NETO1: variants seen among roughly 807,000 people sequenced by gnomAD.
NETO1 encodes the protein neuropilin and tolloid like 1.
A neutral mutation model predicts 61.3 loss-of-function variants in NETO1; 26 were observed. The ratio of observed to expected loss-of-function variants is 0.42; its 90% CI spans 0.31 to 0.59. The LOEUF (loss-of-function observed/expected upper bound fraction) is 0.59, where lower values mean the gene tolerates loss of function less well. NETO1 is among the 20% of genes least tolerant of loss of function. The pLI, the probability that NETO1 is intolerant of heterozygous loss-of-function variation, is 0.12. For synonymous variants in NETO1, 225 were observed against 225.8 expected, an observed-to-expected ratio of 1.00 and a Z score of 0.03; for missense variants, 531 against 662.8, an observed-to-expected ratio of 0.80 and a Z score of 2.18.
intron 4 of NETO1, among the ~76,000 whole-genome samples, chr18:72,856,061 T>C (rs1383688998): frequency 6.6e-6 from 1 of 152,202 alleles, no homozygotes; most frequent in Non-Finnish European, 1.5e-5. Flanking sequence ...ATATTGTGTA[T>C]ATATGTATAT....
intron 4 of NETO1, among the ~76,000 whole-genome samples, chr18:72,794,949 A>G (rs1426733451): frequency 6.6e-6 from 1 of 152,222 alleles, no homozygotes; most frequent in East Asian, 1.9e-4. Flanking sequence ...CGGACTGAAC[A>G]ATCCTGTTTT....
chr18:72,865,756 C>G, intron 1 of NETO1: 1 of 1,408,042 alleles, frequency 7.1e-7, no homozygotes, highest in Admixed American at 2.3e-5. Flanking sequence ...GGAGAATAAG[C>G]AAGAAACAGA....
Position 72,830,886 on chromosome 18 carries a change from A to G in NETO1, c.469+27940T>C, listed in dbSNP as rs972553331. On this transcript the variant is annotated intron_variant, in intron 4 of 10. Coordinates refer to ENST00000327305, the MANE Select transcript of NETO1 (RefSeq NM_138966.5). This position sits in a 1 kb window ranked among gnomAD's most constrained non-coding sequence, Gnocchi z 4.9. ...TTATCCCCTATTTTCTTCTCTGAAC[A>G]TTGAGTTTTCATTTACCACTGCAGG... Among the ~76,000 whole-genome samples, 1 of 152,114 alleles carries G rather than the reference A, an allele frequency of 6.6e-6. No homozygotes were observed. The highest frequency in any genetic ancestry group is 2.4e-5 in the African/African-American group (1 of 41,400).
chr18:72,779,161 C>T (rs1049784731), intron 7 of NETO1, among the ~76,000 whole-genome samples: 5 of 151,990 alleles, frequency 3.3e-5, no homozygotes, highest in African/African-American at 1.2e-4. Flanking sequence ...TTTATATCTC[C>T]AACTTTTACT....
At chr18:72,759,328 A>C (rs768796607) in intron 7 of NETO1, among the ~76,000 whole-genome samples, 8 of 152,210 alleles carry the variant, frequency 5.3e-5, no homozygotes, top group Non-Finnish European at 1.2e-4. Flanking sequence ...GCTGTTCCTT[A>C]AGTCCTATTT....
intron 8 of NETO1, among the ~76,000 whole-genome samples, chr18:72,754,412 A>G (rs1459078784): frequency 6.6e-6 from 1 of 152,120 alleles, no homozygotes; most frequent in African/African-American, 2.4e-5. Context: ...AAAAAATAAG[A>G]TACAAATATA....
chr18:72,779,934 G>A (rs1315924635), intron 7 of NETO1, among the ~76,000 whole-genome samples: 1 of 152,106 alleles, frequency 6.6e-6, no homozygotes, highest in South Asian at 2.1e-4. Context: ...CGGATGAAAC[G>A]TTCTAGCTGT....
intron 4 of NETO1, among the ~76,000 whole-genome samples, chr18:72,825,835 T>C (rs1481985401): frequency 2.6e-5 from 4 of 152,314 alleles, no homozygotes; most frequent in Admixed American, 1.3e-4. Context: ...TTAGAATTTT[T>C]AAAAATCTTT....
chr18:72,826,895 T>C (rs535607435), intron 4 of NETO1, among the ~76,000 whole-genome samples: 1 of 152,244 alleles, frequency 6.6e-6, no homozygotes, highest in East Asian at 1.9e-4. Flanking sequence ...CACACTGAGC[T>C]GAAGCACTGA....
At chr18:72,750,005 T>A in intron 9 of NETO1, 57 bp downstream of exon 9, 2 of 1,246,666 alleles carry the variant, frequency 1.6e-6, no homozygotes. Context: ...GACAATACTC[T>A]GGAAGTATTT....
intron 3 of NETO1, among the ~76,000 whole-genome samples, chr18:72,861,797 G>T (rs76647624): frequency 6.6e-6 from 1 of 152,184 alleles, no homozygotes; most frequent in East Asian, 1.9e-4. Flanking sequence ...ATTCATTTTA[G>T]AATTAAATAT....
intron 6 of NETO1, among the ~76,000 whole-genome samples, chr18:72,793,545 A>G (rs2072207594): frequency 6.6e-6 from 1 of 152,160 alleles, no homozygotes; most frequent in African/African-American, 2.4e-5. Context: ...ATGAGAAATA[A>G]TGGAGGGTTT....
chr18:72,814,897 A>G (rs549469428), intron 4 of NETO1, among the ~76,000 whole-genome samples: 2 of 152,136 alleles, frequency 1.3e-5, no homozygotes, highest in South Asian at 2.1e-4. Flanking sequence ...AAGAGAAATA[A>G]AAATCTACCA....
intron 4 of NETO1, among the ~76,000 whole-genome samples, chr18:72,841,754 A>AAAAAAAAAAAAAAC (rs1568249493): frequency 1.3e-5 from 2 of 150,434 alleles, no homozygotes; most frequent in Non-Finnish European, 1.5e-5. Context: ...AAAAAAAAAA[A>AAAAAAAAAAAAAAC]AAAGTCACTT....
chr18:72,748,685 G>T (rs182431393), intron 10 of NETO1, among the ~76,000 whole-genome samples: 12 of 151,770 alleles, frequency 7.9e-5, no homozygotes, highest in Admixed American at 7.2e-4. Context: ...AAAAACCTTG[G>T]TTTTTTTCGA....
At chr18:72,805,463 G>T (rs1299653488) in intron 4 of NETO1, among the ~76,000 whole-genome samples, 2 of 152,066 alleles carry the variant, frequency 1.3e-5, no homozygotes, top group Non-Finnish European at 2.9e-5. Flanking sequence ...TAATACCATT[G>T]CAATAATTAA....
At chr18:72,851,697 T>C (rs1222232527) in intron 4 of NETO1, among the ~76,000 whole-genome samples, 1 of 152,136 alleles carries the variant, frequency 6.6e-6, no homozygotes, top group African/African-American at 2.4e-5. Flanking sequence ...TGGAAAAACA[T>C]TTCAAACAAC....
At chr18:72,786,575 T>C (rs2071925191) in intron 6 of NETO1, among the ~76,000 whole-genome samples, 1 of 152,168 alleles carries the variant, frequency 6.6e-6, no homozygotes, top group Non-Finnish European at 1.5e-5. Flanking sequence ...ATGAGAGACA[T>C]ATGCCCCAAC....
intron 4 of NETO1, among the ~76,000 whole-genome samples, chr18:72,817,990 G>A (rs1160903173): frequency 6.6e-6 from 1 of 152,182 alleles, no homozygotes; most frequent in African/African-American, 2.4e-5. Flanking sequence ...TCCTCATGCA[G>A]GTGAGCCTTG....
Sources: allele counts gnomAD v4.1 joint callset (sites outside exome capture counted in the v4.1 genomes callset), GRCh38; gene constraint gnomAD v4.1.1; non-coding constraint Gnocchi (gnomAD v3.1); transcripts MANE v1.5; gene names NCBI Gene and HGNC (gene_info 2026-07-23, HGNC 2026-07-21).